Variants in SNTG1 observed in about 807,000 individuals in gnomAD.
SNTG1 encodes syntrophin gamma 1.
Under a neutral mutation model 74.7 loss-of-function variants are expected in SNTG1, and 39 were observed. That is an observed-to-expected ratio of 0.52 (90% CI 0.40 to 0.68). The LOEUF is 0.68. SNTG1 is among the 30% of genes least tolerant of loss of function. SNTG1 has a pLI of 0.00. For synonymous variants in SNTG1, 254 were observed against 217.1 expected, an observed-to-expected ratio of 1.17 and a Z score of -1.49; for missense variants, 685 against 609.5, an observed-to-expected ratio of 1.12 and a Z score of -1.30.
chr8:49,934,299 CTA>C (rs2129361449), intron 1 of SNTG1, among the ~76,000 whole-genome samples: 1 of 149,602 alleles, frequency 6.7e-6, no homozygotes, highest in South Asian at 2.1e-4. Flanking sequence ...ATCTATCTAT[CTA>C]TCTATCTATC....
chr8:50,453,762 T>C (rs1049428349), intron 8 of SNTG1, among the ~76,000 whole-genome samples: 1 of 152,172 alleles, frequency 6.6e-6, no homozygotes, highest in Non-Finnish European at 1.5e-5. Flanking sequence ...CTTCTCCCTA[T>C]TCCCCCTCCG....
intron 1 of SNTG1, among the ~76,000 whole-genome samples, chr8:49,970,416 T>G (rs1811555322): frequency 6.6e-6 from 1 of 152,344 alleles, no homozygotes; most frequent in African/African-American, 2.4e-5. Flanking sequence ...TTTTAATTCA[T>G]TCAACATCTA....
At chr8:50,052,595 AAG>A (rs1819670108) in intron 1 of SNTG1, among the ~76,000 whole-genome samples, 1 of 152,138 alleles carries the variant, frequency 6.6e-6, no homozygotes, top group South Asian at 2.1e-4. Flanking sequence ...AAAATTAAAA[AAG>A]AGTTTTTACC....
intron 4 of SNTG1, among the ~76,000 whole-genome samples, chr8:50,420,575 G>A (rs777056918): frequency 9.9e-5 from 15 of 152,038 alleles, no homozygotes; most frequent in Non-Finnish European, 1.6e-4. Flanking sequence ...CACAAAGGAA[G>A]AAAACTAATA....
intron 2 of SNTG1, among the ~76,000 whole-genome samples, chr8:50,208,749 C>A (rs756893147): frequency 2.6e-5 from 4 of 152,172 alleles, no homozygotes; most frequent in Non-Finnish European, 4.4e-5. Context: ...TTTTGTAAGG[C>A]AGGCCTGGTG....
intron 13 of SNTG1, among the ~76,000 whole-genome samples, chr8:50,615,567 A>G (rs1378527706): frequency 6.6e-6 from 1 of 152,188 alleles, no homozygotes; most frequent in Non-Finnish European, 1.5e-5. Flanking sequence ...ATAAGAAATC[A>G]TCATGCCATA....
intron 8 of SNTG1, among the ~76,000 whole-genome samples, chr8:50,476,898 A>G (rs1436630447): frequency 3.3e-5 from 5 of 151,692 alleles, no homozygotes; most frequent in Non-Finnish European, 4.4e-5. Context: ...AGGGATAAAC[A>G]TACACACACA....
At chr8:50,177,078 T>C (rs764399468) in intron 2 of SNTG1, among the ~76,000 whole-genome samples, 39 of 152,154 alleles carry the variant, frequency 2.6e-4, no homozygotes, top group South Asian at 1.0e-3. Flanking sequence ...CAAGAAAATC[T>C]TTAGGTCACC....
intron 8 of SNTG1, among the ~76,000 whole-genome samples, chr8:50,497,389 A>G (rs1397636256): frequency 6.6e-6 from 1 of 152,002 alleles, no homozygotes; most frequent in Non-Finnish European, 1.5e-5. Flanking sequence ...GATATTATCT[A>G]TTGTACACTT....
chr8:50,792,565 A>G (rs1472924713), intron 18 of SNTG1, 106 bp from the exon 19 acceptor site: 3 of 1,158,834 alleles, frequency 2.6e-6, no homozygotes, highest in South Asian at 1.6e-5. Flanking sequence ...GTTACATATC[A>G]TAGATTCTAG....
chr8:50,436,187 A>G (rs1336179841), intron 4 of SNTG1, among the ~76,000 whole-genome samples: 1 of 152,150 alleles, frequency 6.6e-6, no homozygotes, highest in Non-Finnish European at 1.5e-5. Context: ...TGCACCACTG[A>G]TTTTGATACT....
chr8:50,790,403 T>A (rs573256273), intron 18 of SNTG1, among the ~76,000 whole-genome samples: 3 of 152,062 alleles, frequency 2.0e-5, no homozygotes, highest in Admixed American at 2.0e-4. Flanking sequence ...ATCATGATGA[T>A]CATAAGACTT....
intron 4 of SNTG1, among the ~76,000 whole-genome samples, chr8:50,420,157 T>G (rs2093064550): frequency 1.3e-5 from 2 of 152,112 alleles, no homozygotes; most frequent in Admixed American, 1.3e-4. Flanking sequence ...GCAAAAAGTA[T>G]GAATTTATGT....
chr8:49,957,744 G>A (rs1390731306), intron 1 of SNTG1, among the ~76,000 whole-genome samples: 1 of 152,058 alleles, frequency 6.6e-6, no homozygotes, highest in Non-Finnish European at 1.5e-5. Flanking sequence ...AGGGGTGATG[G>A]CTTTAAAACT....
chr8:50,018,600 C>T (rs547427370), intron 1 of SNTG1, among the ~76,000 whole-genome samples: 125 of 151,984 alleles, frequency 8.2e-4, no homozygotes, highest in Non-Finnish European at 1.7e-3. Context: ...GTTGTTGTTT[C>T]GCTTTTTACT....
At chr8:49,993,570 C>T (rs944402914) in intron 1 of SNTG1, among the ~76,000 whole-genome samples, 9 of 152,082 alleles carry the variant, frequency 5.9e-5, no homozygotes, top group East Asian at 3.9e-4. Context: ...TCCCACACCC[C>T]GAAAGGCCAA....
chr8:50,422,116 A>T (rs889685565), intron 4 of SNTG1, among the ~76,000 whole-genome samples: 7 of 152,190 alleles, frequency 4.6e-5, no homozygotes, highest in Admixed American at 1.3e-4. Context: ...TTCTCTACAG[A>T]TGCAAATTTT....
At chr8:50,541,233 A>C (rs1971259) in intron 11 of SNTG1, among the ~76,000 whole-genome samples, 27,193 of 145,778 alleles carry the variant, frequency 0.19, 3,181 homozygotes, top group African/African-American at 0.36. Context: ...ATTCACCACT[A>C]AGATTTTACC....
At chr8:50,688,353 T>A (rs2095362147) in intron 15 of SNTG1, among the ~76,000 whole-genome samples, 1 of 152,288 alleles carries the variant, frequency 6.6e-6, no homozygotes, top group African/African-American at 2.4e-5. Flanking sequence ...CTGAATGGTA[T>A]TGCCTAGGTT....
Sources: gnomAD v4.1 joint callset for allele counts (sites outside exome capture counted in the v4.1 genomes callset) on GRCh38, gnomAD v4.1.1 for gene constraint, MANE v1.5 for transcripts, NCBI Gene and HGNC (gene_info 2026-07-23, HGNC 2026-07-21) for gene names.